Variants in TMSB15B observed in about 807,000 individuals in gnomAD.
TMSB15B encodes the protein thymosin beta-15B.
intron 1 of TMSB15B, among the ~76,000 whole-genome samples, chrX:103,923,815 T>C (rs1187878361): frequency 8.9e-6 from 1 of 111,761 alleles, no homozygotes; most frequent in African/African-American, 3.3e-5. Context: ...TTTCAAGATA[T>C]TGATTCTTCC....
intron 1 of TMSB15B, among the ~76,000 whole-genome samples, chrX:103,935,755 T>A (rs1292109187): frequency 9.0e-6 from 1 of 111,088 alleles, no homozygotes; most frequent in Non-Finnish European, 1.9e-5. Context: ...GTAGTATATT[T>A]TGAAGTCAGA....
chrX:103,923,381 A>G (rs782188203), intron 1 of TMSB15B, among the ~76,000 whole-genome samples: 3 of 112,087 alleles, frequency 2.7e-5, no homozygotes, highest in East Asian at 2.8e-4. Flanking sequence ...ATTTTTGTAT[A>G]AGGTGTAAGG....
intron 1 of TMSB15B, chrX:103,932,022 A>G (rs1238429696): frequency 8.9e-6 from 1 of 112,204 alleles, no homozygotes; most frequent in Non-Finnish European, 1.9e-5. Context: ...CAAGGAGGGC[A>G]TGGAAGCTCT....
intron 1 of TMSB15B, among the ~76,000 whole-genome samples, chrX:103,923,514 G>A (rs187236898): frequency 0.023 from 2,600 of 111,386 alleles, 42 homozygotes; most frequent in Middle Eastern, 0.037. Flanking sequence ...GATGTTTGTA[G>A]ATGTGTGGTA....
intron 1 of TMSB15B, among the ~76,000 whole-genome samples, chrX:103,954,223 A>G: frequency 8.9e-6 from 1 of 112,005 alleles, no homozygotes; most frequent in South Asian, 3.8e-4. Context: ...CCCATAAGAG[A>G]CTTTAGCACT....
chrX:103,923,584 C>G (rs191682115), intron 1 of TMSB15B, among the ~76,000 whole-genome samples: 1 of 111,751 alleles, frequency 8.9e-6, no homozygotes, highest in African/African-American at 3.3e-5. Context: ...GTACCAGTAC[C>G]ATGCTGTTTT....
chrX:103,938,812 T>G (rs1556322939), intron 1 of TMSB15B, among the ~76,000 whole-genome samples: 1 of 112,302 alleles, frequency 8.9e-6, no homozygotes, highest in African/African-American at 3.2e-5. Flanking sequence ...TTTCTGTATT[T>G]AGTTCTTCCT....
chrX:103,944,846 C>T (rs1342078459), intron 1 of TMSB15B, among the ~76,000 whole-genome samples: 1 of 111,859 alleles, frequency 8.9e-6, no homozygotes, highest in Admixed American at 9.4e-5. Flanking sequence ...CAGGCTGGAG[C>T]GCAGTGGTGT....
intron 1 of TMSB15B, among the ~76,000 whole-genome samples, chrX:103,939,576 T>C (rs1556323311): frequency 9.0e-6 from 1 of 111,141 alleles, no homozygotes; most frequent in Non-Finnish European, 1.9e-5. Flanking sequence ...TCAAGGTTCT[T>C]AGCTTCCTTG....
chrX:103,954,495 C>T (rs2075046628), intron 1 of TMSB15B, among the ~76,000 whole-genome samples: 1 of 111,766 alleles, frequency 8.9e-6, no homozygotes, highest in South Asian at 3.8e-4. Context: ...ATATAGCTTC[C>T]CTCAAGCCCA....
intron 1 of TMSB15B, chrX:103,929,040 C>T: frequency 3.6e-6 from 4 of 1,119,049 alleles, no homozygotes; most frequent in Non-Finnish European, 4.8e-6. Context: ...TGTGGCCATG[C>T]CACCTTTGTT....
intron 1 of TMSB15B, among the ~76,000 whole-genome samples, chrX:103,953,979 C>A (rs1556328733): frequency 8.9e-6 from 1 of 111,814 alleles, no homozygotes; most frequent in Non-Finnish European, 1.9e-5. Context: ...ACACACCCTC[C>A]ATTGCTTGTC....
At chrX:103,938,559 AG>A (rs1319813212) in intron 1 of TMSB15B, among the ~76,000 whole-genome samples, 27 of 111,881 alleles carry the variant, frequency 2.4e-4, no homozygotes, top group African/African-American at 8.8e-4. Flanking sequence ...TTTGCATGTG[AG>A]ATGGGTCTCC....
intron 1 of TMSB15B, among the ~76,000 whole-genome samples, chrX:103,949,347 T>C (rs1204517419): frequency 3.6e-5 from 4 of 112,094 alleles, no homozygotes; most frequent in Non-Finnish European, 7.5e-5. Flanking sequence ...GTGTTGAGAA[T>C]GTACCACTGT....
chrX:103,945,862 C>A lies in TMSB15B; in HGVS notation c.-720-16159C>A, dbSNP rs140712175. 3.6e-3 allele frequency among the ~76,000 whole-genome samples: 408 copies of A among 111,908 alleles called. 1 individual carries two copies. Among genetic ancestry groups the A allele is most frequent in the African/African-American group, 0.012 (383 of 30,807 alleles). On this transcript the variant is annotated intron_variant, in intron 1 of 3. Coordinates refer to the TMSB15B transcript ENST00000419165. ...AATGCAATAGGAAAAATAACCCATT[C>A]ATGATTTTCCCAAAATCTATAAGGC...
chrX:103,928,318 C>T, intron 1 of TMSB15B: 17 of 1,206,523 alleles, frequency 1.4e-5, no homozygotes, highest in Non-Finnish European at 1.9e-5. Flanking sequence ...CGAAGGTCCT[C>T]AATACTTCTA....
rs1556327533 is a variant in TMSB15B at position 103,947,147 on chromosome X, A to G, written c.-720-14874A>G. 3.6e-5 allele frequency among the ~76,000 whole-genome samples: 4 copies of G among 111,784 alleles called. No individual in the cohort carries two copies. In the East Asian group the frequency reaches 8.3e-4, roughly 23 times the overall value. ...CAAGAGCCCACAAGCAGTAGAATGA[A>G]TAAATAAATTGTAGTATATTCATAC... is the stretch of plus-strand genomic sequence containing the variant. On this transcript the variant is annotated intron_variant, in intron 1 of 3. Transcript: ENST00000419165.
At chrX:103,939,863 C>T (rs1430864150) in intron 1 of TMSB15B, among the ~76,000 whole-genome samples, 3 of 111,808 alleles carry the variant, frequency 2.7e-5, no homozygotes, top group South Asian at 7.4e-4. Flanking sequence ...CTTTTTGTTG[C>T]TGTTGATGGT....
chrX:103,945,573 T>C (rs1248752631), intron 1 of TMSB15B, among the ~76,000 whole-genome samples: 21 of 112,379 alleles, frequency 1.9e-4, no homozygotes, highest in African/African-American at 5.8e-4. Context: ...TGTTAAATAT[T>C]CCACCCCCTC....
Sources: gnomAD v4.1 joint callset for allele counts (sites outside exome capture counted in the v4.1 genomes callset) on GRCh38, gnomAD v4.1.1 for gene constraint, MANE v1.5 for transcripts, NCBI Gene and HGNC (gene_info 2026-07-23, HGNC 2026-07-21) for gene names.